B4GALNT3: variants seen among roughly 807,000 people sequenced by gnomAD.
The protein encoded by B4GALNT3 is beta-1,4-N-acetylgalactosaminyltransferase 3.
A neutral mutation model predicts 120.2 loss-of-function variants in B4GALNT3; 86 were observed. That is an observed-to-expected ratio of 0.72 (90% CI 0.60 to 0.86). B4GALNT3 has a LOEUF of 0.86. Among genes scored for constraint, B4GALNT3 ranks in the 40% least tolerant of loss-of-function variants. The pLI is 0.00. For synonymous variants in B4GALNT3, 518 were observed against 510.4 expected (o/e 1.01, Z -0.20); for missense variants, 1,167 against 1,298.9 (o/e 0.90, Z 1.56).
rs771456159 is a variant in B4GALNT3, at chr12:551,019, G to A, written c.1095G>A (p.Gln365=). The change falls in exon 11 of 20, where the codon CAG becomes CAA. Residue 365 remains glutamine (Q), a synonymous_variant. Coordinates refer to ENST00000266383, the MANE Select transcript of B4GALNT3 (RefSeq NM_173593.4). ...LVDGLPLQRY[Q]GLRFVHLSFV... is the part of the protein sequence containing the mutation. ...ATGGGCTTCCTCTGCAGCGCTACCAGGGACTCCGGTTTGTAAGTCTTGGGC... is the reference window on the plus strand; with the variant it reads ...ATGGGCTTCCTCTGCAGCGCTACCAAGGACTCCGGTTTGTAAGTCTTGGGC... 1 of 1,611,376 alleles carries A rather than the reference G, an allele frequency of 6.2e-7. No individual in the cohort carries two copies. Among genetic ancestry groups the A allele is most frequent in the Non-Finnish European group, 8.5e-7 (1 of 1,177,476 alleles).
At chr12:546,160 G>A (rs1287773197) in intron 6 of B4GALNT3, among the ~76,000 whole-genome samples, 1 of 135,874 alleles carries the variant, frequency 7.4e-6, no homozygotes, top group South Asian at 2.5e-4. Context: ...AGAGGAGGGG[G>A]GAATGAGAAA....
chr12:554,054 C>G, intron 14 of B4GALNT3, 71 bp downstream of exon 14: 1 of 1,101,942 alleles, frequency 9.1e-7, no homozygotes, highest in Non-Finnish European at 1.3e-6. Context: ...AAGGCAGGGG[C>G]CTAAGGGCTG....
At position 545,104 on chromosome 12, in the gene B4GALNT3, A is replaced by C; in HGVS notation, c.538+132A>C. The C allele has an allele frequency of 4.8e-6, 7 of 1,455,558 alleles. No individual in the cohort carries two copies. In the South Asian group the frequency reaches 5.8e-5, roughly 12 times the overall value. 90.2% of individuals were successfully genotyped at this position (1,455,558 alleles called of 1,614,324 possible). ...GTCCACCCTCAGGAAGAGAGGGGAAATTGAGTCATATTGCGGTCTTGTCCA... is the reference window on the plus strand; with the variant it reads ...GTCCACCCTCAGGAAGAGAGGGGAACTTGAGTCATATTGCGGTCTTGTCCA... On this transcript the variant is annotated intron_variant, in intron 5 of 19. Coordinates refer to ENST00000266383, the MANE Select transcript of B4GALNT3 (RefSeq NM_173593.4).
intron 1 of B4GALNT3, 96 bp from the exon 2 acceptor site, chr12:535,070 G>A: frequency 1.0e-6 from 1 of 994,344 alleles, no homozygotes; most frequent in Non-Finnish European, 1.5e-6. Flanking sequence ...AGGTGAGAAG[G>A]GAAGACGGTT....
intron 1 of B4GALNT3, among the ~76,000 whole-genome samples, chr12:532,406 G>A (rs1372609655): frequency 1.3e-5 from 2 of 152,228 alleles, no homozygotes; most frequent in East Asian, 3.8e-4. Flanking sequence ...ACTAGTTACA[G>A]GTCGTGAAGA....
intron 4 of B4GALNT3, among the ~76,000 whole-genome samples, chr12:544,678 G>A (rs1382718201): frequency 1.3e-5 from 2 of 152,114 alleles, no homozygotes. Context: ...GGGCCACCAT[G>A]TACAGTTGTG....
chr12:544,496 GTC>G, intron 4 of B4GALNT3, 62 bp downstream of exon 4: 1 of 1,406,950 alleles, frequency 7.1e-7, no homozygotes, highest in East Asian at 2.3e-5. Context: ...GCCCACTTCT[GTC>G]TCTCATCTTT....
chr12:538,306 T>C (rs745742280), intron 3 of B4GALNT3, among the ~76,000 whole-genome samples: 5 of 152,046 alleles, frequency 3.3e-5, no homozygotes, highest in Non-Finnish European at 7.4e-5. Flanking sequence ...CCTGGAATCC[T>C]AGAACTTTGG....
intron 9 of B4GALNT3, among the ~76,000 whole-genome samples, chr12:549,468 C>T (rs1251576483): frequency 6.6e-6 from 1 of 152,224 alleles, no homozygotes; most frequent in East Asian, 1.9e-4. Context: ...ATAAATTAGG[C>T]GTACTTAATG....
At chr12:498,819 C>T (rs556768013) in intron 1 of B4GALNT3, among the ~76,000 whole-genome samples, 3 of 152,138 alleles carry the variant, frequency 2.0e-5, no homozygotes, top group Non-Finnish European at 2.9e-5. Flanking sequence ...GGGCTTTCAC[C>T]GTGGGTCAGA....
intron 3 of B4GALNT3, chr12:543,029 C>T: frequency 9.3e-7 from 1 of 1,080,972 alleles, no homozygotes; most frequent in Non-Finnish European, 1.2e-6. Context: ...CCAGCCGGCT[C>T]CTCCTAGTTC....
intron 1 of B4GALNT3, among the ~76,000 whole-genome samples, chr12:485,466 T>C (rs1946282574): frequency 1.3e-5 from 2 of 152,182 alleles, no homozygotes. Flanking sequence ...GGGACCCCCA[T>C]GGTGGGGTGG....
intron 14 of B4GALNT3, 42 bp downstream of exon 14, chr12:554,025 T>A: frequency 7.0e-7 from 1 of 1,426,454 alleles, no homozygotes; most frequent in South Asian, 1.2e-5. Flanking sequence ...CTGGGGCACG[T>A]GGCAGCCAGC....
In B4GALNT3 at chr12:552,163, G is replaced by A. The variant is rs1250128533; in HGVS notation, c.1208G>A (p.Arg403Gln). 1.3e-5 allele frequency: 21 copies of A among 1,599,576 alleles called. No homozygotes were observed. In the Admixed American group the frequency reaches 2.7e-4, roughly 20 times the overall value. Residue 403 changes from arginine (R) to glutamine (Q), a missense_variant and splice_region_variant, in exon 12 of 20, where the codon CGG becomes CAG. By Grantham distance (43) the Arg-to-Gln change is conservative. This residue lies in a region of B4GALNT3 where 983 missense variants were observed against 1,102.5 expected (regional missense o/e 0.89). Transcript: ENST00000266383. Reference sequence around the variant, plus strand: ...CAGGAAAACGCCTACTACCAAGACCGGTGAGAGACACTGAGTGGGGCAGGA... The same window carrying A: ...CAGGAAAACGCCTACTACCAAGACCAGTGAGAGACACTGAGTGGGGCAGGA... ...FYQENAYYQD[R>Q]FSFQEYIKID... is the part of the protein sequence containing the mutation.
At chr12:542,094 A>T (rs1055436215) in intron 3 of B4GALNT3, among the ~76,000 whole-genome samples, 1 of 151,776 alleles carries the variant, frequency 6.6e-6, no homozygotes, top group East Asian at 1.9e-4. Flanking sequence ...TACCCAGCCT[A>T]CTTTCCCTCT....
Position 561,497 on chromosome 12 carries a change from A to G in B4GALNT3, c.*46A>G. ...CCAGCACTCCCCGCTCTGGACTAGC[A>G]GTGGCTCCCCAGGGCCCTGCTACTG... On this transcript the variant is annotated 3_prime_UTR_variant, in exon 20 of 20. Coordinates refer to ENST00000266383, the MANE Select transcript of B4GALNT3 (RefSeq NM_173593.4). 6.8e-7 allele frequency: 1 copy of G among 1,460,506 alleles called. No homozygotes were observed. Among genetic ancestry groups the G allele is most frequent in the South Asian group, 1.2e-5 (1 of 85,830 alleles). The allele number at this position is 1,460,506 out of a possible 1,614,324, so 90.5% of individuals were successfully genotyped here.
chr12:479,974 C>G (rs1375674252), intron 1 of B4GALNT3, among the ~76,000 whole-genome samples: 4 of 139,182 alleles, frequency 2.9e-5, no homozygotes, highest in Admixed American at 7.6e-5. Context: ...AGTGCAGTGG[C>G]GCCATCTCGG....
chr12:544,313 T>C, intron 3 of B4GALNT3, 26 bp from the exon 4 acceptor site: 2 of 1,610,658 alleles, frequency 1.2e-6, no homozygotes, highest in Non-Finnish European at 1.7e-6. Flanking sequence ...TCACGCTCAC[T>C]CACCACTGGC....
intron 1 of B4GALNT3, among the ~76,000 whole-genome samples, chr12:499,420 G>A (rs1004871915): frequency 4.2e-5 from 6 of 143,576 alleles, no homozygotes; most frequent in Non-Finnish European, 6.0e-5. Context: ...CGTGGAGCCC[G>A]TGCTCTCACT....
Sources: allele counts gnomAD v4.1 joint callset (sites outside exome capture counted in the v4.1 genomes callset), GRCh38; gene constraint gnomAD v4.1.1; regional missense constraint gnomAD v4.1.1; transcripts MANE v1.5; gene names NCBI Gene and HGNC (gene_info 2026-07-23, HGNC 2026-07-21).